The following TCF4 variants were observed in gnomAD, a reference collection of about 807,000 sequenced individuals.
The protein encoded by TCF4 is transcription factor 4, also known as SL3-3 enhancer factor 2.
TCF4 carries 3 observed loss-of-function variants against 82.1 expected under a neutral mutation model. The ratio of observed to expected loss-of-function variants is 0.04; its 90% CI spans 0.02 to 0.09. The LOEUF is 0.09. Among genes scored for constraint, TCF4 ranks in the 10% least tolerant of loss-of-function variants. TCF4 has a pLI of 1.00. For synonymous variants in TCF4, 276 were observed against 309.6 expected, an observed-to-expected ratio of 0.89 and a Z score of 1.14; for missense variants, 518 against 852.7, an observed-to-expected ratio of 0.61 and a Z score of 4.89.
chr18:55,505,007 A>G (rs965072246), intron 3 of TCF4, among the ~76,000 whole-genome samples: 1 of 152,186 alleles, frequency 6.6e-6, no homozygotes, highest in Non-Finnish European at 1.5e-5. Context: ...TATCCGTCTT[A>G]CCTACAGCAA....
At chr18:55,390,397 G>GA (rs1309117000) in intron 6 of TCF4, among the ~76,000 whole-genome samples, 2 of 151,978 alleles carry the variant, frequency 1.3e-5, no homozygotes, top group African/African-American at 4.8e-5. Context: ...GAGCATGTGA[G>GA]GATCTTCAGT....
rs959386093 is a variant in TCF4 at position 55,222,656 on chromosome 18, C to A, written c.*5379G>T. ...GATTAGAACATTCTGTTATGAAGCGCTCAGCTACCGCGGGCTTTCCTTTAC... is the reference window on the plus strand; with the variant it reads ...GATTAGAACATTCTGTTATGAAGCGATCAGCTACCGCGGGCTTTCCTTTAC... On this transcript the variant is annotated 3_prime_UTR_variant, in exon 20 of 20. Transcript: ENST00000354452. 6.6e-6 allele frequency: 1 copy of A among 152,620 alleles called. No individual in the cohort carries two copies. The highest frequency in any genetic ancestry group is 1.5e-5 in the Non-Finnish European group (1 of 68,048). The allele number at this position is 152,620 out of a possible 1,614,324, so 9.5% of individuals were successfully genotyped here.
chr18:55,398,682 T>C (rs572058582), intron 6 of TCF4, among the ~76,000 whole-genome samples: 1 of 152,308 alleles, frequency 6.6e-6, no homozygotes, highest in South Asian at 2.1e-4. Flanking sequence ...ATGGTTCATG[T>C]ACATTGCTAT....
At chr18:55,510,518 G>A (rs1192163217) in intron 3 of TCF4, 41 of 1,272,098 alleles carry the variant, frequency 3.2e-5, no homozygotes, top group Non-Finnish European at 3.7e-5. Flanking sequence ...TACAGAAGTC[G>A]ATAGATCAAA....
intron 3 of TCF4, among the ~76,000 whole-genome samples, chr18:55,486,377 G>A (rs187693160): frequency 1.3e-5 from 2 of 152,146 alleles, no homozygotes; most frequent in Non-Finnish European, 2.9e-5. Flanking sequence ...AGATGGCTTG[G>A]GGCCAGAAGT....
At chr18:55,610,937 G>T (rs923550117) in intron 2 of TCF4, among the ~76,000 whole-genome samples, 6 of 152,156 alleles carry the variant, frequency 3.9e-5, no homozygotes, top group African/African-American at 1.2e-4. Flanking sequence ...TTCTTATGGT[G>T]AAGAGTTAGA....
intron 5 of TCF4, among the ~76,000 whole-genome samples, chr18:55,460,134 G>T (rs564864272): frequency 6.6e-6 from 1 of 152,160 alleles, no homozygotes; most frequent in East Asian, 1.9e-4. Context: ...TTTCCTTGGA[G>T]TGTTGTCCAA....
chr18:55,461,090 T>G lies in TCF4; in HGVS notation c.233A>C (p.Asp78Ala). Residue 78 changes from aspartate to alanine, a missense_variant, in exon 5 of 20, where the codon GAC becomes GCC. Around this residue, in one of 7 missense-constraint regions of TCF4, gnomAD observed 80 missense variants for 93.8 expected, o/e 0.85. Coordinates refer to ENST00000354452, the MANE Select transcript of TCF4 (RefSeq NM_001083962.2). ...SRNYGDGTPY[D>A]HMTSRDLGSH... ...CCCAAGGTCCCTGCTGGTCATGTGGTCATAGGGAGTCCCATCTCCATAGTT... is the reference window on the plus strand; with the variant it reads ...CCCAAGGTCCCTGCTGGTCATGTGGGCATAGGGAGTCCCATCTCCATAGTT... 1 of 1,613,234 alleles carries G rather than the reference T, an allele frequency of 6.2e-7. No homozygotes were observed. The highest frequency in any genetic ancestry group is 8.5e-7 in the Non-Finnish European group (1 of 1,179,448).
chr18:55,465,888 AT>A (rs1398789061), intron 3 of TCF4, among the ~76,000 whole-genome samples: 2 of 152,170 alleles, frequency 1.3e-5, no homozygotes, highest in African/African-American at 2.4e-5. Context: ...CTCCTCTTGA[AT>A]TTGGCCAAAA....
chr18:55,604,782 T>C (rs2097700715), intron 2 of TCF4, among the ~76,000 whole-genome samples: 1 of 152,216 alleles, frequency 6.6e-6, no homozygotes, highest in East Asian at 1.9e-4. Context: ...TTGGTGGTCA[T>C]TGGTAATGGC....
At chr18:55,291,285 A>T (rs1295791803) in intron 8 of TCF4, among the ~76,000 whole-genome samples, 1 of 152,198 alleles carries the variant, frequency 6.6e-6, no homozygotes, top group African/African-American at 2.4e-5. Flanking sequence ...ACAACTTTTC[A>T]TATTTGTTAA....
At position 55,491,585 on chromosome 18, in the gene TCF4, T is replaced by C. The variant is rs1387477192; in HGVS notation, c.146-27448A>G. 2.0e-5 allele frequency among the ~76,000 whole-genome samples: 3 copies of C among 152,314 alleles called. No individual in the cohort carries two copies. The East Asian group carries it at 5.8e-4, about 29-fold the overall frequency. ...ATCTGGGCACATACCAGTTCTCTAA[T>C]TGAATCTTCCTGGCACTATGGTGAG... On this transcript the variant is annotated intron_variant, in intron 3 of 19. Transcript: ENST00000354452.
chr18:55,495,421 T>C (rs985611175), intron 3 of TCF4, among the ~76,000 whole-genome samples: 4 of 152,102 alleles, frequency 2.6e-5, no homozygotes, highest in Admixed American at 1.3e-4. Flanking sequence ...TAAACATACA[T>C]AGATGTGAAA....
At chr18:55,512,982 A>G (rs2096843571) in intron 3 of TCF4, among the ~76,000 whole-genome samples, 1 of 152,188 alleles carries the variant, frequency 6.6e-6, no homozygotes, top group African/African-American at 2.4e-5. Context: ...GGATCAGGCC[A>G]GTGAATAACT....
At chr18:55,501,363 A>G (rs2096699112) in intron 3 of TCF4, among the ~76,000 whole-genome samples, 1 of 152,208 alleles carries the variant, frequency 6.6e-6, no homozygotes, top group East Asian at 1.9e-4. Context: ...GGCCATAACA[A>G]TATATTTTAT....
At chr18:55,543,536 T>A (rs1381674721) in intron 3 of TCF4, among the ~76,000 whole-genome samples, 1 of 152,142 alleles carries the variant, frequency 6.6e-6, no homozygotes, top group Non-Finnish European at 1.5e-5. Context: ...CGTCCATTAT[T>A]CTTTTTTATT....
At chr18:55,321,761 T>G in intron 8 of TCF4, 1 of 1,526,582 alleles carries the variant, frequency 6.6e-7, no homozygotes, top group Non-Finnish European at 8.8e-7. Flanking sequence ...TTTTTTCTCC[T>G]CAGTACCACT....
At chr18:55,331,930 G>A (rs2077645655) in intron 8 of TCF4, 1 of 152,144 alleles carries the variant, frequency 6.6e-6, no homozygotes, top group African/African-American at 2.4e-5. Flanking sequence ...CCTTTCTCTT[G>A]TATAGCGTGG....
chr18:55,339,413 A>G (rs993111628), intron 8 of TCF4, among the ~76,000 whole-genome samples: 3 of 152,212 alleles, frequency 2.0e-5, no homozygotes, highest in Non-Finnish European at 4.4e-5. Flanking sequence ...GATGAAAACC[A>G]ATATCCTTTG....
Sources: gnomAD v4.1 joint callset for allele counts (sites outside exome capture counted in the v4.1 genomes callset) on GRCh38, gnomAD v4.1.1 for gene constraint, gnomAD v4.1.1 regional missense constraint, MANE v1.5 for transcripts, NCBI Gene and HGNC (gene_info 2026-07-23, HGNC 2026-07-21) for gene names.